Variants in TBX15 observed in about 807,000 individuals in gnomAD.
TBX15 encodes T-box transcription factor TBX15.
In TBX15, 18 loss-of-function variants were observed where a neutral mutation model predicts 53.9. That is an observed-to-expected ratio of 0.33 (90% CI 0.23 to 0.49). The LOEUF is 0.49. Ranked by LOEUF, TBX15 falls within the 20% of genes least tolerant of loss-of-function variation. The pLI is 0.98. For missense variants in TBX15, 692 were observed against 749.5 expected (o/e 0.92, Z 0.90); for synonymous variants, 295 against 278.0 (o/e 1.06, Z -0.61).
chr1:118,978,172 G>A (rs986728452), intron 1 of TBX15, among the ~76,000 whole-genome samples: 2 of 152,188 alleles, frequency 1.3e-5, no homozygotes, highest in African/African-American at 4.8e-5. Flanking sequence ...TGTTGAACAC[G>A]TGATATTAAT....
At chr1:118,910,317 A>G (rs1319672658) in intron 6 of TBX15, among the ~76,000 whole-genome samples, 1 of 152,214 alleles carries the variant, frequency 6.6e-6, no homozygotes, top group Admixed American at 6.5e-5. Flanking sequence ...TTTTGGGTAC[A>G]TTTACATGCA....
chr1:118,970,069 A>G (rs966709792), intron 1 of TBX15, among the ~76,000 whole-genome samples: 2 of 152,206 alleles, frequency 1.3e-5, no homozygotes, highest in Admixed American at 6.5e-5. Context: ...TCCTGCTGCC[A>G]TGTGAAGACA....
intron 6 of TBX15, among the ~76,000 whole-genome samples, chr1:118,912,271 TGA>T (rs150439425): frequency 1.3e-5 from 2 of 151,482 alleles, no homozygotes; most frequent in Non-Finnish European, 3.0e-5. Context: ...TTGGAACCCT[TGA>T]GAGAGAGAGA....
intron 1 of TBX15, among the ~76,000 whole-genome samples, chr1:118,959,024 C>CAG (rs10563585): frequency 0.13 from 18,845 of 144,434 alleles, 1,627 homozygotes; most frequent in Non-Finnish European, 0.18. Flanking sequence ...GGTATAATAT[C>CAG]AGAGAGAGAG....
intron 2 of TBX15, 74 bp downstream of exon 2, chr1:118,931,545 A>G (rs770266938): frequency 6.6e-6 from 10 of 1,509,074 alleles, no homozygotes; most frequent in Non-Finnish European, 9.1e-6. Context: ...CAAATAAATA[A>G]GAATGGAAGA....
chr1:118,887,162 A>ATAGGGAATC (rs1029742626), intron 7 of TBX15, among the ~76,000 whole-genome samples: 2 of 152,196 alleles, frequency 1.3e-5, no homozygotes, highest in African/African-American at 4.8e-5. Flanking sequence ...TTTGTCTTCC[A>ATAGGGAATC]TAGGGAATCT....
At chr1:118,976,407 C>T (rs1386425557) in intron 1 of TBX15, among the ~76,000 whole-genome samples, 5 of 152,202 alleles carry the variant, frequency 3.3e-5, no homozygotes, top group Non-Finnish European at 7.3e-5. Context: ...CCTGGGGGTA[C>T]ATTGGAATAT....
chr1:118,981,747 A>C (rs1396841970), intron 1 of TBX15, among the ~76,000 whole-genome samples: 1 of 152,218 alleles, frequency 6.6e-6, no homozygotes, highest in African/African-American at 2.4e-5. Flanking sequence ...CACTTAGAGC[A>C]AGGGCCTCAC....
rs1654797532 is a variant in TBX15 at position 118,905,787 on chromosome 1, A to C, written c.927-6662T>G. Among the ~76,000 whole-genome samples, 2 of 152,222 alleles carry C rather than the reference A, an allele frequency of 1.3e-5. 1 individual carries two copies. Among genetic ancestry groups the C allele is most frequent in the South Asian group, 4.1e-4 (2 of 4,832 alleles). On this transcript the variant is annotated intron_variant, in intron 6 of 7. Coordinates refer to ENST00000369429, the MANE Select transcript of TBX15 (RefSeq NM_001330677.2). ...AGGGAAACCAAATGAAAATATAGAA[A>C]TTGAAAGTGAGATAGACACTTGAGA...
intron 1 of TBX15, among the ~76,000 whole-genome samples, chr1:118,940,544 T>G (rs1409640788): frequency 6.6e-6 from 1 of 151,890 alleles, no homozygotes; most frequent in African/African-American, 2.4e-5. Flanking sequence ...GTGCAGAATT[T>G]GGTTTATTTA....
rs530171680 is a variant in TBX15, at chr1:118,968,270, A to G, written c.205+19321T>C. Among the ~76,000 whole-genome samples, 137 of 152,242 alleles carry G rather than the reference A, an allele frequency of 9.0e-4. 2 individuals are homozygous for G. The highest frequency in any genetic ancestry group is 1.4e-3 in the Non-Finnish European group (92 of 68,018). On this transcript the variant is annotated intron_variant, in intron 1 of 7. Coordinates refer to ENST00000369429, the MANE Select transcript of TBX15 (RefSeq NM_001330677.2). ...CCCTCTGTCACCCAGGCTGGAGTGC[A>G]GTGGCGTGATCTTGGCTCACTGCAA... is the stretch of plus-strand genomic sequence containing the variant.
intron 1 of TBX15, among the ~76,000 whole-genome samples, chr1:118,961,359 T>C (rs1164837563): frequency 6.6e-6 from 1 of 152,216 alleles, no homozygotes; most frequent in Admixed American, 6.5e-5. Context: ...GAGAGTGTGA[T>C]TCATTCTCTC....
At chr1:118,972,895 C>T (rs988897080) in intron 1 of TBX15, among the ~76,000 whole-genome samples, 3 of 152,110 alleles carry the variant, frequency 2.0e-5, no homozygotes, top group South Asian at 2.1e-4. Context: ...CCACCATGCC[C>T]GGCCAAATGG....
intron 1 of TBX15, among the ~76,000 whole-genome samples, chr1:118,970,805 C>T (rs767694755): frequency 2.0e-5 from 3 of 152,164 alleles, no homozygotes; most frequent in Non-Finnish European, 4.4e-5. Context: ...CTCCTTCCTT[C>T]TCCTGACAAT....
rs1450331600 is a variant in TBX15 at position 118,885,210 on chromosome 1, G to A, written c.1331C>T (p.Pro444Leu). The change falls in exon 8 of 8, where the codon CCA (proline) becomes CTA (leucine). Residue 444 changes from proline to leucine, a missense_variant. By Grantham distance (98) the Pro-to-Leu change is moderately conservative. Around this residue, in one of 3 missense-constraint regions of TBX15, gnomAD observed 375 missense variants for 371.6 expected, o/e 1.01. Transcript: ENST00000369429. ...PSETFMPQRT[P>L]SLISGIPTPP... ...AGTTGGTATTCCTGAGATCAGGGAT[G>A]GAGTCCTCTGAGGCATGAAGGTTTC... is the stretch of plus-strand genomic sequence containing the variant. 6.2e-7 allele frequency: 1 copy of A among 1,614,176 alleles called. No homozygotes were observed. The highest frequency in any genetic ancestry group is 1.1e-5 in the South Asian group (1 of 91,082).
At position 118,884,792 on chromosome 1, in the gene TBX15, A is replaced by G. The variant is rs566094968; in HGVS notation, c.1749T>C (p.Asp583=). ...CTGGAACTGCCCCATACTGCCGGCC[A>G]TCACAAGTGTTGGTTGCCTGTTGGT... is the stretch of plus-strand genomic sequence containing the variant. ...PNNQQATNTC[D]GRQYGAVPGS... is the part of the protein sequence containing the mutation. Residue 583 remains aspartate, a synonymous_variant, in exon 8 of 8, where the codon GAT becomes GAC. Transcript: ENST00000369429. The G allele has an allele frequency of 1.4e-5, 22 of 1,614,130 alleles. No individual in the cohort carries two copies. In the East Asian group the frequency reaches 3.1e-4, roughly 23 times the overall value.
At chr1:118,980,142 G>A (rs1657599038) in intron 1 of TBX15, among the ~76,000 whole-genome samples, 1 of 152,224 alleles carries the variant, frequency 6.6e-6, no homozygotes, top group African/African-American at 2.4e-5. Flanking sequence ...AGAGGGGGAA[G>A]AATTGGACGT....
At chr1:118,907,369 A>G (rs997386437) in intron 6 of TBX15, among the ~76,000 whole-genome samples, 4 of 152,222 alleles carry the variant, frequency 2.6e-5, no homozygotes, top group Non-Finnish European at 2.9e-5. Flanking sequence ...GACAGACCAC[A>G]ACCTTAATAA....
intron 6 of TBX15, among the ~76,000 whole-genome samples, chr1:118,913,707 A>G (rs1308441513): frequency 1.3e-5 from 2 of 152,124 alleles, no homozygotes; most frequent in African/African-American, 4.8e-5. Context: ...TTTAGCTCTT[A>G]AGGTAGTAAT....
Sources: gnomAD v4.1 joint callset for allele counts (sites outside exome capture counted in the v4.1 genomes callset) on GRCh38, gnomAD v4.1.1 for gene constraint, gnomAD v4.1.1 regional missense constraint, MANE v1.5 for transcripts, NCBI Gene and HGNC (gene_info 2026-07-23, HGNC 2026-07-21) for gene names.